ZFHX3: variants seen among roughly 807,000 people sequenced by gnomAD.
ZFHX3 encodes the protein zinc finger homeobox 3, also known as zinc finger homeobox protein 3.
A neutral mutation model predicts 279.1 loss-of-function variants in ZFHX3; 42 were observed. The observed-to-expected ratio is 0.15, with a 90% confidence interval of 0.12 to 0.19. ZFHX3 has a LOEUF of 0.19. Among genes scored for constraint, ZFHX3 ranks in the 10% least tolerant of loss-of-function variants. The pLI, the probability that ZFHX3 is intolerant of heterozygous loss-of-function variation, is 1.00. For missense variants in ZFHX3, 4,981 were observed against 4,754.0 expected (o/e 1.05, Z -1.40); for synonymous variants, 2,293 against 1,957.8 (o/e 1.17, Z -4.52).
At chr16:73,634,973 A>T (rs1052539469) in intron 2 of ZFHX3, among the ~76,000 whole-genome samples, 5 of 152,202 alleles carry the variant, frequency 3.3e-5, no homozygotes, top group African/African-American at 1.2e-4. Flanking sequence ...CCTTAGCAAT[A>T]ATATAATCCA....
intron 2 of ZFHX3, chr16:73,504,611 A>C (rs1207498242): frequency 1.3e-5 from 2 of 152,308 alleles, no homozygotes; most frequent in African/African-American, 4.8e-5. Flanking sequence ...AAAGCAATGC[A>C]CTTAACCCAC....
Position 72,784,927 on chromosome 16 carries a change from G to A in ZFHX3, c.*2237C>T, listed in dbSNP as rs28573922. On this transcript the variant is annotated 3_prime_UTR_variant, in exon 10 of 10. Coordinates refer to ENST00000268489, the MANE Select transcript of ZFHX3 (RefSeq NM_006885.4). ...TAGTCCCGGCTAAAAAAGAAAAAAAGAAAAAAAATCCATTTTCAGATCTTG... is the reference window on the plus strand; with the variant it reads ...TAGTCCCGGCTAAAAAAGAAAAAAAAAAAAAAAATCCATTTTCAGATCTTG... The A allele has an allele frequency of 6.6e-6, 1 of 152,150 alleles. No homozygotes were observed. Among genetic ancestry groups the A allele is most frequent in the Non-Finnish European group, 1.5e-5 (1 of 67,916 alleles). The allele number at this position is 152,150 out of a possible 1,614,324, so 9.4% of individuals were successfully genotyped here.
At chr16:73,028,043 C>G (rs1964573210) in intron 1 of ZFHX3, among the ~76,000 whole-genome samples, 1 of 152,116 alleles carries the variant, frequency 6.6e-6, no homozygotes, top group Non-Finnish European at 1.5e-5. Context: ...CCCAGGCCGC[C>G]AGGTCCCAGC....
chr16:72,927,286 A>G (rs1196159293), intron 3 of ZFHX3, among the ~76,000 whole-genome samples: 1 of 152,220 alleles, frequency 6.6e-6, no homozygotes, highest in Non-Finnish European at 1.5e-5. Flanking sequence ...CCTGTGTCAC[A>G]GTAATCCTTC....
At chr16:73,150,708 G>A (rs1442146122) in intron 5 of ZFHX3, among the ~76,000 whole-genome samples, 1 of 152,164 alleles carries the variant, frequency 6.6e-6, no homozygotes, top group Non-Finnish European at 1.5e-5. Context: ...GACATGATTT[G>A]CTCTCATGAT....
At chr16:73,108,171 C>A (rs979233735) in intron 7 of ZFHX3, among the ~76,000 whole-genome samples, 5 of 151,778 alleles carry the variant, frequency 3.3e-5, no homozygotes, top group African/African-American at 1.2e-4. Flanking sequence ...AAATAAACAA[C>A]AACAACAACA....
intron 5 of ZFHX3, among the ~76,000 whole-genome samples, chr16:73,210,424 G>A (rs2011970873): frequency 6.6e-6 from 1 of 151,848 alleles, no homozygotes; most frequent in Non-Finnish European, 1.5e-5. Flanking sequence ...TATTTTGGGG[G>A]TAAAAAAAAT....
intron 2 of ZFHX3, among the ~76,000 whole-genome samples, chr16:73,534,557 T>G (rs2019861266): frequency 6.6e-6 from 1 of 152,208 alleles, no homozygotes; most frequent in South Asian, 2.1e-4. Context: ...CACTGATAGA[T>G]CTCACACTTT....
intron 1 of ZFHX3, among the ~76,000 whole-genome samples, chr16:73,769,471 GAATT>G (rs1211279925): frequency 6.6e-6 from 1 of 152,078 alleles, no homozygotes; most frequent in Non-Finnish European, 1.5e-5. Context: ...AATGCTTGCA[GAATT>G]AATAGTACCA....
chr16:73,159,378 C>CT (rs140613021), intron 5 of ZFHX3, among the ~76,000 whole-genome samples: 1 of 152,130 alleles, frequency 6.6e-6, no homozygotes, highest in Non-Finnish European at 1.5e-5. Context: ...GGCCATATGA[C>CT]TTTTTTTCGG....
chr16:73,646,900 CTCCAAACTGGAACCCTTTGG>C (rs2052622877), intron 2 of ZFHX3, among the ~76,000 whole-genome samples: 1 of 152,148 alleles, frequency 6.6e-6, no homozygotes, highest in Admixed American at 6.5e-5. Context: ...ATAATTTATC[CTCCAAACTGGAACCCTTTGG>C]AGAGTGAAAG....
intron 3 of ZFHX3, among the ~76,000 whole-genome samples, chr16:72,935,712 C>T (rs1037489738): frequency 8.1e-5 from 12 of 148,314 alleles, no homozygotes; most frequent in Admixed American, 4.7e-4. Context: ...CCAGCCTGGG[C>T]GACAGAGTGA....
chr16:72,791,026 A>T (rs573561231), intron 9 of ZFHX3: 1 of 152,334 alleles, frequency 6.6e-6, no homozygotes, highest in African/African-American at 2.4e-5. Context: ...ACTCTGTGAC[A>T]TCCTTTTTCT....
At chr16:73,055,757 G>A (rs1965542273) in intron 1 of ZFHX3, among the ~76,000 whole-genome samples, 1 of 147,088 alleles carries the variant, frequency 6.8e-6, no homozygotes, top group Non-Finnish European at 1.5e-5. Context: ...GCCAGGCCAT[G>A]GGACCAGCTC....
At chr16:72,919,709 T>C (rs567351998) in intron 3 of ZFHX3, among the ~76,000 whole-genome samples, 8 of 151,512 alleles carry the variant, frequency 5.3e-5, no homozygotes, top group Non-Finnish European at 1.0e-4. Flanking sequence ...CAATGATCTG[T>C]ATATGTAACA....
chr16:73,808,703 G>GCA (rs1394988311), intron 1 of ZFHX3, among the ~76,000 whole-genome samples: 5 of 152,156 alleles, frequency 3.3e-5, no homozygotes. Context: ...AACCATTTAA[G>GCA]CATATTAGTT....
chr16:72,802,268 C>A (rs557201311), intron 7 of ZFHX3, among the ~76,000 whole-genome samples: 1 of 151,124 alleles, frequency 6.6e-6, no homozygotes, highest in East Asian at 1.9e-4. Context: ...GTGTGAATGA[C>A]GGCAAAAAAG....
At position 73,635,270 on chromosome 16, in the gene ZFHX3, C is replaced by T. The variant is rs8063672; in HGVS notation, c.-1547+44910G>A. 4.7e-3 allele frequency among the ~76,000 whole-genome samples: 708 copies of T among 152,246 alleles called. 7 individuals carry two copies. Among genetic ancestry groups the T allele is most frequent in the African/African-American group, 0.016 (649 of 41,528 alleles). ...ATTTTTACTGGTGGGAATAGGCACA[C>T]GTTGTATTCTATCAAATTACTGCAT... On this transcript the variant is annotated intron_variant, in intron 2 of 17. Transcript: ENST00000641206.
At chr16:72,849,976 G>A (rs550513361) in intron 4 of ZFHX3, among the ~76,000 whole-genome samples, 3 of 149,646 alleles carry the variant, frequency 2.0e-5, no homozygotes, top group East Asian at 2.0e-4. Flanking sequence ...GCTAAGCTAC[G>A]TCAGGGGACA....
Sources: gnomAD v4.1 joint callset for allele counts (sites outside exome capture counted in the v4.1 genomes callset) on GRCh38, gnomAD v4.1.1 for gene constraint, MANE v1.5 for transcripts, NCBI Gene and HGNC (gene_info 2026-07-23, HGNC 2026-07-21) for gene names.